STXBP5: variants seen among roughly 807,000 people sequenced by gnomAD.
STXBP5 encodes syntaxin binding protein 5.
Under a neutral mutation model 152.4 loss-of-function variants are expected in STXBP5, and 50 were observed. That is an observed-to-expected ratio of 0.33 (90% confidence interval 0.26 to 0.42). The LOEUF is 0.42. Ranked by LOEUF, STXBP5 falls within the 10% of genes least tolerant of loss-of-function variation. The pLI, the probability that STXBP5 is intolerant of heterozygous loss-of-function variation, is 1.00. For missense variants in STXBP5, 1,167 were observed against 1,388.6 expected (o/e 0.84, Z 2.54); for synonymous variants, 492 against 494.7 (o/e 0.99, Z 0.07).
At chr6:147,304,301 T>A (rs1243205213) in intron 9 of STXBP5, among the ~76,000 whole-genome samples, 1 of 152,194 alleles carries the variant, frequency 6.6e-6, no homozygotes, top group Non-Finnish European at 1.5e-5. Context: ...CTCAGGCCAT[T>A]GCTTCAGAGG....
chr6:147,221,339 GA>G (rs1043929765), intron 2 of STXBP5, among the ~76,000 whole-genome samples: 58 of 151,938 alleles, frequency 3.8e-4, no homozygotes, highest in African/African-American at 1.4e-3. Context: ...TTAAGAAACA[GA>G]AAAGTTTTTA....
chr6:147,344,260 C>A (rs993793075), intron 21 of STXBP5, among the ~76,000 whole-genome samples: 8 of 152,054 alleles, frequency 5.3e-5, no homozygotes, highest in Non-Finnish European at 1.0e-4. Context: ...ATTGAACTGT[C>A]TTTTTTTACA....
At chr6:147,339,523 C>T in intron 21 of STXBP5, 139 bp downstream of exon 21, 1 of 577,122 alleles carries the variant, frequency 1.7e-6, no homozygotes, top group Non-Finnish European at 2.8e-6. Flanking sequence ...TGGGCTGTGT[C>T]TCTTCTAAAC....
rs1785589659 is a variant in STXBP5 at position 147,372,406 on chromosome 6, CCTTTTTTTTT to C, written c.3082-1324_3082-1315del. Among the ~76,000 whole-genome samples the C allele has an allele frequency of 1.3e-4, 5 of 39,108 alleles. 2 individuals are homozygous for C. Among genetic ancestry groups the C allele is most frequent in the African/African-American group, 2.5e-4 (3 of 11,940 alleles). The allele number at this position is 39,108 out of a possible 152,430, so 25.7% of individuals were successfully genotyped here. Reference sequence around the variant, plus strand: ...ATATAAATGTTACTACCGTCCTTTTCCTTTTTTTTTTTTTTTTTTTTTTTTTTTTTTTTTT... The same window carrying C: ...ATATAAATGTTACTACCGTCCTTTTCTTTTTTTTTTTTTTTTTTTTTTTTT... On this transcript the variant is annotated intron_variant, in intron 25 of 27. Coordinates refer to ENST00000321680, the MANE Select transcript of STXBP5 (RefSeq NM_001127715.4).
intron 21 of STXBP5, among the ~76,000 whole-genome samples, chr6:147,342,556 T>C (rs1784141261): frequency 6.6e-6 from 1 of 152,208 alleles, no homozygotes; most frequent in African/African-American, 2.4e-5. Context: ...TTTGCCTGTG[T>C]ATACCTTATA....
intron 22 of STXBP5, among the ~76,000 whole-genome samples, chr6:147,355,319 G>T (rs1784765626): frequency 6.6e-6 from 1 of 152,076 alleles, no homozygotes; most frequent in African/African-American, 2.4e-5. Context: ...GTTGAATAAG[G>T]CTCTCTGTGG....
intron 25 of STXBP5, among the ~76,000 whole-genome samples, chr6:147,366,186 T>C (rs1583002417): frequency 6.6e-6 from 1 of 152,162 alleles, no homozygotes; most frequent in East Asian, 1.9e-4. Context: ...ACCCTGGAGA[T>C]GTGCAGAGTC....
chr6:147,358,187 A>G (rs1211584787), intron 22 of STXBP5, among the ~76,000 whole-genome samples: 4 of 151,704 alleles, frequency 2.6e-5, no homozygotes, highest in African/African-American at 7.3e-5. Flanking sequence ...TTTATTGATT[A>G]AAGGTTTTTA....
intron 2 of STXBP5, among the ~76,000 whole-genome samples, chr6:147,206,743 C>A (rs773548400): frequency 4.6e-5 from 7 of 151,928 alleles, no homozygotes; most frequent in Non-Finnish European, 7.4e-5. Context: ...AATTACTTTT[C>A]CTGGTTGTGT....
At chr6:147,229,532 T>C (rs1777889580) in intron 2 of STXBP5, among the ~76,000 whole-genome samples, 1 of 151,980 alleles carries the variant, frequency 6.6e-6, no homozygotes, top group Non-Finnish European at 1.5e-5. Context: ...TTTTCATTTA[T>C]TTAGGGTTTC....
intron 8 of STXBP5, among the ~76,000 whole-genome samples, chr6:147,284,624 GA>G (rs1025961892): frequency 1.1e-4 from 16 of 152,328 alleles, no homozygotes; most frequent in Admixed American, 1.0e-3. Flanking sequence ...GGTCTTAAAG[GA>G]TGATACTGGT....
intron 8 of STXBP5, among the ~76,000 whole-genome samples, chr6:147,279,263 A>C (rs1780589609): frequency 6.6e-6 from 1 of 152,048 alleles, no homozygotes; most frequent in South Asian, 2.1e-4. Context: ...TTTGTTTTAG[A>C]ATTTGTATTT....
chr6:147,213,399 GTGAGCCACCTCACC>G lies in STXBP5; in HGVS notation c.248+7334_248+7347del, dbSNP rs1776962720. Among the ~76,000 whole-genome samples, 3 of 150,422 alleles carry G rather than the reference GTGAGCCACCTCACC, an allele frequency of 2.0e-5. No homozygotes were observed. The South Asian group carries it at 6.3e-4, about 32-fold the overall frequency. On this transcript the variant is annotated intron_variant, in intron 2 of 27. Transcript: ENST00000321680. ...TTGCCAAGTAGTTGGGACCACAGAT[GTGAGCCACCTCACC>G]TGGCTCACATAATTTTATATATGTG...
intron 3 of STXBP5, among the ~76,000 whole-genome samples, chr6:147,238,852 A>G (rs1258380810): frequency 6.6e-6 from 1 of 152,202 alleles, no homozygotes; most frequent in Non-Finnish European, 1.5e-5. Context: ...TTACAAAGTA[A>G]CTTACAGTCT....
At chr6:147,361,153 A>T (rs1030555533) in intron 23 of STXBP5, among the ~76,000 whole-genome samples, 5 of 152,170 alleles carry the variant, frequency 3.3e-5, no homozygotes, top group Non-Finnish European at 7.4e-5. Flanking sequence ...AACAGGAGTT[A>T]TCACTGGTAA....
At chr6:147,309,870 G>C (rs1782277337) in intron 9 of STXBP5, among the ~76,000 whole-genome samples, 1 of 152,088 alleles carries the variant, frequency 6.6e-6, no homozygotes. Flanking sequence ...GTTAAATTTA[G>C]TCAATGTTTA....
At chr6:147,348,351 C>T (rs993052163) in intron 21 of STXBP5, among the ~76,000 whole-genome samples, 11 of 146,292 alleles carry the variant, frequency 7.5e-5, no homozygotes, top group African/African-American at 2.7e-4. Flanking sequence ...CCCTCCCTCT[C>T]CCTCACCTCC....
At chr6:147,313,793 AATGT>A in intron 11 of STXBP5, 87 bp from the exon 12 acceptor site, 1 of 799,044 alleles carries the variant, frequency 1.3e-6, no homozygotes, top group Middle Eastern at 3.7e-4. Context: ...TCTATGATAG[AATGT>A]ATGTTTTTTA....
intron 8 of STXBP5, among the ~76,000 whole-genome samples, chr6:147,288,558 T>G (rs1781112165): frequency 1.3e-5 from 2 of 152,166 alleles, no homozygotes; most frequent in African/African-American, 4.8e-5. Context: ...AATGTTTAAC[T>G]TTAGTTGTTT....
Sources: gnomAD v4.1 joint callset for allele counts (sites outside exome capture counted in the v4.1 genomes callset) on GRCh38, gnomAD v4.1.1 for gene constraint, MANE v1.5 for transcripts, NCBI Gene and HGNC (gene_info 2026-07-23, HGNC 2026-07-21) for gene names.